The following TOP3B variants were observed in gnomAD, a reference collection of about 807,000 sequenced individuals.
The protein encoded by TOP3B is DNA topoisomerase III beta, also known as DNA topoisomerase 3-beta-1.
In TOP3B, 45 loss-of-function variants were observed where a neutral mutation model predicts 93.9. That is an observed-to-expected ratio of 0.48 (90% CI 0.38 to 0.61). TOP3B has a LOEUF of 0.61. Ranked by LOEUF, TOP3B falls within the 20% of genes least tolerant of loss-of-function variation. The pLI, the probability that TOP3B is intolerant of heterozygous loss-of-function variation, is 0.00. For missense variants in TOP3B, 750 were observed against 1,156.1 expected (o/e 0.65, Z 5.09); for synonymous variants, 357 against 472.6 (o/e 0.76, Z 3.17).
rs773129827 is a variant in TOP3B at position 21,965,336 on chromosome 22, G to T, written c.892C>A (p.Pro298Thr). Residue 298 changes from proline to threonine, a missense_variant, in exon 9 of 18, where the codon CCC becomes ACC. Pro to Thr is a conservative substitution (Grantham distance 38). Coordinates refer to ENST00000357179, the MANE Select transcript of TOP3B (RefSeq NM_001282112.2). ...ATCTCCACAGTGTTCAGGGCCAGGG[G>T]CCTCTGCTTGGCCTTTTCTTTCCTG... ...TSRKEKAKQR[P>T]LALNTVEMLR... 6.2e-7 allele frequency: 1 copy of T among 1,609,086 alleles called. No homozygotes were observed. Among genetic ancestry groups the T allele is most frequent in the Admixed American group, 1.7e-5 (1 of 59,486 alleles).
rs149374064 is a variant in TOP3B, at chr22:21,974,394, C to T, written c.165G>A (p.Thr55=). ...FAGQPVRFKM[T]SVCGHVMTLD... is the part of the protein sequence containing the mutation. ...GGGTCATCACGTGACCACAGACAGA[C>T]GTCATCTTGAAGCGCACTGGCTGGC... Residue 55 remains threonine, a synonymous_variant, in exon 3 of 18, where the codon ACG becomes ACA. Transcript: ENST00000357179. The T allele has an allele frequency of 7.4e-5, 120 of 1,614,178 alleles. No individual in the cohort carries two copies. The highest frequency in any genetic ancestry group is 6.7e-4 in the Admixed American group (40 of 60,028).
At chr22:21,980,771 T>C (rs2084613665) in intron 1 of TOP3B, among the ~76,000 whole-genome samples, 1 of 152,200 alleles carries the variant, frequency 6.6e-6, no homozygotes, top group African/African-American at 2.4e-5. Flanking sequence ...TCCCCCTTAG[T>C]CTACTTGCTC....
rs2071597232 is a variant in TOP3B at position 21,970,558 on chromosome 22, G to T, written c.385-152C>A. Reference sequence around the variant, plus strand: ...CAGACCCTCCTCTATCCCCTTTCCTGCACCTGCCAGACCCTCCTCTATCCC... The same window carrying T: ...CAGACCCTCCTCTATCCCCTTTCCTTCACCTGCCAGACCCTCCTCTATCCC... On this transcript the variant is annotated intron_variant, in intron 5 of 17. Transcript: ENST00000357179. The surrounding 1 kb of genome is among the most constrained non-coding windows in gnomAD (Gnocchi z 4.4). The T allele has an allele frequency of 1.3e-6, 1 of 759,868 alleles. No homozygotes were observed. The highest frequency in any genetic ancestry group is 2.1e-6 in the Non-Finnish European group (1 of 478,436). The allele number at this position is 759,868 out of a possible 1,614,324, so 47.1% of individuals were successfully genotyped here. A position where few individuals can be genotyped will look rare whatever the true frequency, so the allele number is the denominator to read the frequency against.
At chr22:21,974,140 G>C in intron 3 of TOP3B, 1 of 474,860 alleles carries the variant, frequency 2.1e-6, no homozygotes. Flanking sequence ...GCGACTAAGG[G>C]GTGCCGCTAT....
Position 21,971,110 on chromosome 22 carries a change from G to A in TOP3B, c.385-704C>T. ...CTGCCCCCATTCTCCATTCCCAGATGCAAAGGCCCCCAGGGAGGAGCCGCC... is the reference window on the plus strand; with the variant it reads ...CTGCCCCCATTCTCCATTCCCAGATACAAAGGCCCCCAGGGAGGAGCCGCC... On this transcript the variant is annotated intron_variant, in intron 5 of 17. Transcript: ENST00000357179. This position sits in a 1 kb window ranked among gnomAD's most constrained non-coding sequence, Gnocchi z 4.6. The A allele has an allele frequency of 1.6e-6, 2 of 1,259,354 alleles. No individual in the cohort carries two copies. The highest frequency in any genetic ancestry group is 1.1e-6 in the Non-Finnish European group (1 of 951,580). 78.0% of individuals were successfully genotyped at this position (1,259,354 alleles called of 1,614,324 possible).
Position 21,962,480 on chromosome 22 carries a change from C to T in TOP3B, c.1474G>A (p.Asp492Asn), listed in dbSNP as rs139678669. 3.5e-5 allele frequency: 56 copies of T among 1,613,734 alleles called. No homozygotes were observed. Among genetic ancestry groups the T allele is most frequent in the South Asian group, 9.9e-5 (9 of 91,086 alleles). ...KMLEKQTNPP[D>N]YLTEAELITL... The stretch of plus-strand genomic sequence containing the variant: ...ATGAGCTCGGCCTCCGTCAGGTAGT[C>T]GGGTGGGTTCGTCTGCTTCTCCAGC... Residue 492 changes from aspartate (D) to asparagine (N), a missense_variant, in exon 13 of 18, where the codon GAC becomes AAC. Asp to Asn is a conservative substitution (Grantham distance 23). Transcript: ENST00000357179.
Position 21,970,542 on chromosome 22 carries a change from C to T in TOP3B, c.385-136G>A. On this transcript the variant is annotated intron_variant, in intron 5 of 17. Transcript: ENST00000357179. This position sits in a 1 kb window ranked among gnomAD's most constrained non-coding sequence, Gnocchi z 4.4. The stretch of plus-strand genomic sequence containing the variant: ...CCTCTCCTGCCCCTGCCAGACCCTC[C>T]TCTATCCCCTTTCCTGCACCTGCCA... The T allele has an allele frequency of 1.1e-6, 1 of 893,110 alleles. No homozygotes were observed. The highest frequency in any genetic ancestry group is 1.7e-6 in the Non-Finnish European group (1 of 594,698). 55.3% of individuals were successfully genotyped at this position (893,110 alleles called of 1,614,324 possible).
chr22:21,967,985 T>C (rs1246127930), intron 7 of TOP3B: 9 of 436,974 alleles, frequency 2.1e-5, no homozygotes, highest in Non-Finnish European at 3.8e-5. Flanking sequence ...CCTGAGCCCC[T>C]ACTTCTCACA....
At position 21,960,316 on chromosome 22, in the gene TOP3B, C is replaced by T. The variant is rs779962502; in HGVS notation, c.1654+5G>A. On this transcript the variant is annotated splice_donor_5th_base_variant and intron_variant, in intron 14 of 17. Coordinates refer to ENST00000357179, the MANE Select transcript of TOP3B (RefSeq NM_001282112.2). ...GGGCCCTGGGGGCAGGACTGAGGAA[C>T]TCACCAATCTTATAGTAGCCGTGCA... 1.2e-6 allele frequency: 2 copies of T among 1,613,342 alleles called. No homozygotes were observed. Among genetic ancestry groups the T allele is most frequent in the Non-Finnish European group, 1.7e-6 (2 of 1,179,898 alleles).
chr22:21,980,232 G>T (rs1397315752), intron 1 of TOP3B, among the ~76,000 whole-genome samples: 1 of 152,204 alleles, frequency 6.6e-6, no homozygotes, highest in Non-Finnish European at 1.5e-5. Context: ...GGAGGTCAGG[G>T]CTGGGGGTGC....
At chr22:21,973,065 G>A in intron 3 of TOP3B, 1 of 358,888 alleles carries the variant, frequency 2.8e-6, no homozygotes. Context: ...CTTTGCCTGA[G>A]CACTGGACCC....
Position 21,964,287 on chromosome 22 carries a change from C to A in TOP3B, c.972G>T (p.Thr324=). Residue 324 remains threonine (T), a synonymous_variant, in exon 10 of 18, where the codon ACG becomes ACT. Coordinates refer to ENST00000357179, the MANE Select transcript of TOP3B (RefSeq NM_001282112.2). ...AGCCTTGCGTGTAGAGCCGCTCAGC[C>A]GTCTGCATGGCGTGCTGCGGCCCCA... ...LGMGPQHAMQ[T]AERLYTQGYI... is the part of the protein sequence containing the mutation. 1 of 1,614,016 alleles carries A rather than the reference C, an allele frequency of 6.2e-7. No homozygotes were observed. The highest frequency in any genetic ancestry group is 8.5e-7 in the Non-Finnish European group (1 of 1,179,992).
Position 21,958,687 on chromosome 22 carries a change from G to C in TOP3B, c.1912C>G (p.Pro638Ala), listed in dbSNP as rs2071034594. 1 of 1,596,958 alleles carries C rather than the reference G, an allele frequency of 6.3e-7. No homozygotes were observed. Among genetic ancestry groups the C allele is most frequent in the Non-Finnish European group, 8.6e-7 (1 of 1,167,924 alleles). ...HRFMKYIQAK[P>A]SRLHCSHCDE... ...CAGTGGGAGCAGTGCAGGCGGCTTG[G>C]CTTGGCCTGCGGCAATGCCAGGCAG... Residue 638 changes from proline (P) to alanine (A), a missense_variant, in exon 17 of 18, where the codon CCA (proline) becomes GCA (alanine). Pro to Ala is a conservative substitution (Grantham distance 27, BLOSUM62 -1). Coordinates refer to ENST00000357179, the MANE Select transcript of TOP3B (RefSeq NM_001282112.2).
rs2071273138 is a variant in TOP3B at position 21,963,247 on chromosome 22, G to A, written c.1205-354C>T. 4.4e-6 allele frequency: 1 copy of A among 224,876 alleles called. No individual in the cohort carries two copies. Among genetic ancestry groups the A allele is most frequent in the Admixed American group, 5.1e-5 (1 of 19,668 alleles). The allele number at this position is 224,876 out of a possible 1,614,324, so 13.9% of individuals were successfully genotyped here. A position where few individuals can be genotyped will look rare whatever the true frequency, so the allele number is the denominator to read the frequency against. On this transcript the variant is annotated intron_variant, in intron 11 of 17. Coordinates refer to ENST00000357179, the MANE Select transcript of TOP3B (RefSeq NM_001282112.2). This position sits in a 1 kb window ranked among gnomAD's most constrained non-coding sequence, Gnocchi z 4.8. ...GCTACTCGGGGGGCTGAGGCAGGGTGAACTGCTTGAACCTGGGAGGCAGAG... is the reference window on the plus strand; with the variant it reads ...GCTACTCGGGGGGCTGAGGCAGGGTAAACTGCTTGAACCTGGGAGGCAGAG...
At chr22:21,976,821 T>G (rs971595860) in intron 1 of TOP3B, 1 of 152,110 alleles carries the variant, frequency 6.6e-6, no homozygotes, top group African/African-American at 2.4e-5. Context: ...AATGTAGCAC[T>G]GATGTTTATA....
chr22:21,968,068 G>A, intron 7 of TOP3B: 1 of 315,522 alleles, frequency 3.2e-6, no homozygotes, highest in South Asian at 3.3e-5. Context: ...CCCCGTGTCA[G>A]CCACAGCAGC....
Position 21,965,279 on chromosome 22 carries a change from A to G in TOP3B, c.943+6T>C. The G allele has an allele frequency of 6.3e-7, 1 of 1,585,562 alleles. No individual in the cohort carries two copies. On this transcript the variant is annotated splice_donor_region_variant and intron_variant, in intron 9 of 17. Coordinates refer to ENST00000357179, the MANE Select transcript of TOP3B (RefSeq NM_001282112.2). ...CTGGTGACTTGAGAGAAATGTCCCT[A>G]CATACCCAGAGAAGAGCTGGCCACA...
Position 21,959,120 on chromosome 22 carries a change from C to A in TOP3B, c.1905+12G>T. Reference sequence around the variant, plus strand: ...GAGGCAGCTTGCCTGAGCTAGTGTTCCCTGCACCTACCTGGATGTACTTCA... The same window carrying A: ...GAGGCAGCTTGCCTGAGCTAGTGTTACCTGCACCTACCTGGATGTACTTCA... On this transcript the variant is annotated intron_variant, in intron 16 of 17. Coordinates refer to ENST00000357179, the MANE Select transcript of TOP3B (RefSeq NM_001282112.2). 1 of 1,613,538 alleles carries A rather than the reference C, an allele frequency of 6.2e-7. No homozygotes were observed.
chr22:21,979,906 A>C (rs185571014), intron 1 of TOP3B, among the ~76,000 whole-genome samples: 65 of 133,416 alleles, frequency 4.9e-4, no homozygotes, highest in African/African-American at 1.8e-3. Flanking sequence ...GCGCCACTGC[A>C]CTCCAGCCTG....
Sources: allele counts gnomAD v4.1 joint callset (sites outside exome capture counted in the v4.1 genomes callset), GRCh38; gene constraint gnomAD v4.1.1; non-coding constraint Gnocchi (gnomAD v3.1); transcripts MANE v1.5; gene names NCBI Gene and HGNC (gene_info 2026-07-23, HGNC 2026-07-21).